The following SYNPR variants were observed in gnomAD, a reference collection of about 807,000 sequenced individuals.
The protein encoded by SYNPR is synaptoporin.
SYNPR carries 23 observed loss-of-function variants against 32.9 expected under a neutral mutation model. That is an observed-to-expected ratio of 0.70 (90% CI 0.50 to 0.99). The LOEUF (loss-of-function observed/expected upper bound fraction) is 0.99. Ranked by LOEUF, SYNPR falls within the 50% of genes least tolerant of loss-of-function variation. The pLI is 0.00. For synonymous variants in SYNPR, 146 were observed against 135.9 expected (o/e 1.07, Z -0.52); for missense variants, 318 against 349.3 (o/e 0.91, Z 0.71).
intron 2 of SYNPR, among the ~76,000 whole-genome samples, chr3:63,287,165 G>A (rs2086693062): frequency 6.6e-6 from 1 of 152,102 alleles, no homozygotes; most frequent in Non-Finnish European, 1.5e-5. Context: ...CTTAGGAGAG[G>A]GGAATGTGGT....
intron 2 of SYNPR, chr3:63,351,280 G>A (rs2087505208): frequency 6.6e-6 from 1 of 152,188 alleles, no homozygotes; most frequent in South Asian, 2.1e-4. Context: ...CCAGTTTCAG[G>A]GGTAACAGGA....
chr3:63,312,819 C>A (rs13085847), intron 2 of SYNPR, among the ~76,000 whole-genome samples: 13 of 151,770 alleles, frequency 8.6e-5, no homozygotes, highest in Non-Finnish European at 1.3e-4. Context: ...ACAGCCCAAC[C>A]TCTCTCCTGC....
At chr3:63,575,789 G>A (rs899409908) in intron 4 of SYNPR, among the ~76,000 whole-genome samples, 2 of 152,162 alleles carry the variant, frequency 1.3e-5, no homozygotes, top group Non-Finnish European at 2.9e-5. Flanking sequence ...TTGCGAAAGG[G>A]TGAAGTGAAT....
chr3:63,570,744 C>T (rs1270696128), intron 4 of SYNPR, among the ~76,000 whole-genome samples: 1 of 152,182 alleles, frequency 6.6e-6, no homozygotes, highest in Non-Finnish European at 1.5e-5. Context: ...TCCATTATTA[C>T]CTTGCACTTT....
At chr3:63,253,588 A>G (rs1034155913) in intron 2 of SYNPR, among the ~76,000 whole-genome samples, 1 of 152,218 alleles carries the variant, frequency 6.6e-6, no homozygotes, top group Non-Finnish European at 1.5e-5. Context: ...ACTGGCCATC[A>G]GAGAAATGCA....
intron 3 of SYNPR, among the ~76,000 whole-genome samples, chr3:63,501,006 T>C (rs1036069641): frequency 6.6e-5 from 10 of 152,280 alleles, no homozygotes; most frequent in African/African-American, 2.4e-4. Context: ...TTCTGTGACA[T>C]TGAATGAAAT....
At chr3:63,595,777 ATATATATAGT>A (rs1699937900) in intron 4 of SYNPR, among the ~76,000 whole-genome samples, 1 of 56,380 alleles carries the variant, frequency 1.8e-5, no homozygotes. Context: ...ATAATTTTAT[ATATATATAGT>A]TATATATATA....
intron 2 of SYNPR, among the ~76,000 whole-genome samples, chr3:63,406,474 T>A (rs2088361656): frequency 6.8e-6 from 1 of 146,064 alleles, no homozygotes; most frequent in African/African-American, 2.5e-5. Context: ...GTGATTCCAT[T>A]TTTTTTTTTT....
chr3:63,554,318 C>A (rs1271371701), intron 3 of SYNPR, among the ~76,000 whole-genome samples: 9 of 152,120 alleles, frequency 5.9e-5, no homozygotes, highest in Non-Finnish European at 1.3e-4. Context: ...AGGGCATTTC[C>A]TAGGTTTTCT....
At chr3:63,579,541 CA>C (rs1464295411) in intron 4 of SYNPR, among the ~76,000 whole-genome samples, 1 of 152,142 alleles carries the variant, frequency 6.6e-6, no homozygotes, top group Non-Finnish European at 1.5e-5. Context: ...GTCCCCTACA[CA>C]AGAACATATA....
At chr3:63,465,342 G>A (rs1472741681) in intron 2 of SYNPR, among the ~76,000 whole-genome samples, 2 of 151,932 alleles carry the variant, frequency 1.3e-5, no homozygotes, top group African/African-American at 2.4e-5. Context: ...TCCTACAATA[G>A]TATAATAATA....
At chr3:63,611,863 AG>A (rs1423176838) in intron 5 of SYNPR, among the ~76,000 whole-genome samples, 1 of 152,134 alleles carries the variant, frequency 6.6e-6, no homozygotes, top group Non-Finnish European at 1.5e-5. Context: ...CAGTCTCATC[AG>A]TTATGAATAG....
At chr3:63,398,765 A>T (rs2088251839) in intron 2 of SYNPR, among the ~76,000 whole-genome samples, 1 of 152,164 alleles carries the variant, frequency 6.6e-6, no homozygotes, top group African/African-American at 2.4e-5. Context: ...TGTATTCAGA[A>T]GATAACAGAT....
chr3:63,584,528 T>C (rs1310259370), intron 4 of SYNPR, among the ~76,000 whole-genome samples: 1 of 151,446 alleles, frequency 6.6e-6, no homozygotes, highest in Non-Finnish European at 1.5e-5. Flanking sequence ...ATTGGAAAAA[T>C]AGAAATATGA....
chr3:63,498,336 T>C (rs1701411107), intron 3 of SYNPR, among the ~76,000 whole-genome samples: 2 of 152,138 alleles, frequency 1.3e-5, no homozygotes, highest in Admixed American at 6.5e-5. Context: ...GGAGCTGTTC[T>C]TGGTGCCGGG....
chr3:63,387,165 A>T (rs529445221), intron 2 of SYNPR, among the ~76,000 whole-genome samples: 1 of 152,310 alleles, frequency 6.6e-6, no homozygotes, highest in South Asian at 2.1e-4. Flanking sequence ...CAACAACCCC[A>T]TAAGAGTTTT....
At chr3:63,211,702 ATCTT>A in the SYNPR span, among the ~76,000 whole-genome samples, 23 of 90,502 alleles carry the variant, frequency 2.5e-4, no homozygotes, top group African/African-American at 1.1e-3. Flanking sequence ...AGAAGCTTGA[ATCTT>A]TCTTTTTTTT....
chr3:63,494,747 TA>T (rs951973789), intron 3 of SYNPR, among the ~76,000 whole-genome samples: 32 of 152,002 alleles, frequency 2.1e-4, no homozygotes, highest in African/African-American at 7.7e-4. Flanking sequence ...TGCCTTGCCC[TA>T]GGTCACATAG....
At chr3:63,457,139 G>A (rs1449866342) in intron 2 of SYNPR, among the ~76,000 whole-genome samples, 1 of 151,950 alleles carries the variant, frequency 6.6e-6, no homozygotes, top group Non-Finnish European at 1.5e-5. Context: ...AGTACCTCTC[G>A]GGAAGTTATC....
Sources: gnomAD v4.1 joint callset for allele counts (sites outside exome capture counted in the v4.1 genomes callset) on GRCh38, gnomAD v4.1.1 for gene constraint, MANE v1.5 for transcripts, NCBI Gene and HGNC (gene_info 2026-07-23, HGNC 2026-07-21) for gene names.